Variants in PLEKHG4B observed in about 807,000 individuals in gnomAD.
PLEKHG4B encodes pleckstrin homology domain-containing family G member 4B.
Under a neutral mutation model 121.3 loss-of-function variants are expected in PLEKHG4B, and 111 were observed. The observed-to-expected ratio is 0.92, with a 90% CI of 0.78 to 1.07. PLEKHG4B has a LOEUF of 1.07. Among genes scored for constraint, PLEKHG4B ranks in the 50% least tolerant of loss-of-function variants. The probability of loss-of-function intolerance (pLI) is 0.00; values close to 1 mark genes in which losing one functional copy is unlikely to be tolerated. For missense variants in PLEKHG4B, 1,831 were observed against 1,757.8 expected (o/e 1.04, Z -0.74); for synonymous variants, 738 against 725.0 (o/e 1.02, Z -0.29).
At chr5:160,839 C>T (rs868152078) in intron 11 of PLEKHG4B, among the ~76,000 whole-genome samples, 64 of 151,790 alleles carry the variant, frequency 4.2e-4, no homozygotes, top group African/African-American at 1.4e-3. Context: ...TCTGCTCTGC[C>T]GAAGCCGCAC....
chr5:97,154 A>G (rs926941589), intron 1 of PLEKHG4B, among the ~76,000 whole-genome samples: 4 of 151,174 alleles, frequency 2.6e-5, no homozygotes, highest in Admixed American at 2.0e-4. Context: ...CCTCATTCCA[A>G]AGTCAAAACC....
chr5:125,989 C>T (rs1734601327), intron 2 of PLEKHG4B, among the ~76,000 whole-genome samples: 1 of 152,212 alleles, frequency 6.6e-6, no homozygotes, highest in Non-Finnish European at 1.5e-5. Flanking sequence ...AAGGTTGTTG[C>T]ATGTGATGAG....
Position 157,504 on chromosome 5 carries a change from G to A in PLEKHG4B, c.2487+593G>A, listed in dbSNP as rs1452921188. 1.3e-5 allele frequency among the ~76,000 whole-genome samples: 2 copies of A among 152,184 alleles called. No individual in the cohort carries two copies. The highest frequency in any genetic ancestry group is 2.9e-5 in the Non-Finnish European group (2 of 68,030). On this transcript the variant is annotated intron_variant, in intron 11 of 19. Coordinates refer to ENST00000637938, the MANE Select transcript of PLEKHG4B (RefSeq NM_052909.5). The surrounding 1 kb of genome is among the most constrained non-coding windows in gnomAD (Gnocchi z 4.6). ...TGCTGGACTACAGGGTGTGAGTTGTGCACAGTGTGTGGCGTGGCTGGGGTT... is the reference window on the plus strand; with the variant it reads ...TGCTGGACTACAGGGTGTGAGTTGTACACAGTGTGTGGCGTGGCTGGGGTT...
chr5:132,618 C>T (rs909643703), intron 2 of PLEKHG4B, among the ~76,000 whole-genome samples: 9 of 152,114 alleles, frequency 5.9e-5, no homozygotes, highest in African/African-American at 2.2e-4. Context: ...TGTGGCTAGC[C>T]GATTATCCCA....
chr5:139,533 C>T lies in PLEKHG4B; in HGVS notation c.294C>T (p.Ala98=), dbSNP rs1735085463. Residue 98 remains alanine (A), a synonymous_variant, in exon 3 of 20, where the codon GCC becomes GCT. Transcript: ENST00000637938. This position sits in a 1 kb window ranked among gnomAD's most constrained non-coding sequence, Gnocchi z 5.0. ...VFLHPGWPLC[A]HEKVVVQLAS... The stretch of plus-strand genomic sequence containing the variant: ...TGCACCCAGGCTGGCCGCTGTGCGC[C>T]CATGAGAAGGTGGTGGTGCAGCTGG... 1 of 398,858 alleles carries T rather than the reference C, an allele frequency of 2.5e-6. No individual in the cohort carries two copies. Among genetic ancestry groups the T allele is most frequent in the Admixed American group, 4.4e-5 (1 of 22,724 alleles). 24.7% of individuals were successfully genotyped at this position (398,858 alleles called of 1,614,324 possible).
intron 3 of PLEKHG4B, among the ~76,000 whole-genome samples, chr5:142,845 C>T (rs1251006440): frequency 2.6e-5 from 4 of 152,072 alleles, no homozygotes; most frequent in Admixed American, 1.3e-4. Flanking sequence ...TCCGTGATGA[C>T]GCCGCGTGTC....
intron 5 of PLEKHG4B, 23 bp downstream of exon 5, chr5:143,526 A>G: frequency 6.2e-7 from 1 of 1,608,528 alleles, no homozygotes; most frequent in Middle Eastern, 1.7e-4. Flanking sequence ...GCAAGGCCGC[A>G]CCCTGCAGAC....
chr5:179,051 T>C (rs1278862161), intron 18 of PLEKHG4B, among the ~76,000 whole-genome samples: 1 of 152,252 alleles, frequency 6.6e-6, no homozygotes, highest in Admixed American at 6.5e-5. Flanking sequence ...AACCCACTGA[T>C]ACAGAAGGCC....
Position 159,654 on chromosome 5 carries a change from C to A in PLEKHG4B, c.2488-2129C>A, listed in dbSNP as rs902054461. Among the ~76,000 whole-genome samples, 1 of 152,132 alleles carries A rather than the reference C, an allele frequency of 6.6e-6. No homozygotes were observed. Among genetic ancestry groups the A allele is most frequent in the Non-Finnish European group, 1.5e-5 (1 of 68,024 alleles). ...GTTCTGGCGCCAGAGGCTTTCCTGG[C>A]GACCCCTGGCTAGGAAGCCTGTGGC... On this transcript the variant is annotated intron_variant, in intron 11 of 19. Transcript: ENST00000637938. This position sits in a 1 kb window ranked among gnomAD's most constrained non-coding sequence, Gnocchi z 5.5.
chr5:162,557 C>T (rs968018171), intron 12 of PLEKHG4B, among the ~76,000 whole-genome samples, 165 bp from the exon 13 acceptor site: 17 of 152,246 alleles, frequency 1.1e-4, no homozygotes, highest in South Asian at 2.1e-4. Flanking sequence ...CCTGCCCTTC[C>T]GCTGAACCCG....
rs1735114677 is a variant in PLEKHG4B, at chr5:140,227, C to T, written c.988C>T (p.Leu330=). 3 of 1,403,698 alleles carry T rather than the reference C, an allele frequency of 2.1e-6. No individual in the cohort carries two copies. Among genetic ancestry groups the T allele is most frequent in the Non-Finnish European group, 2.8e-6 (3 of 1,056,996 alleles). 87.0% of individuals were successfully genotyped at this position (1,403,698 alleles called of 1,614,324 possible). A position where few individuals can be genotyped will look rare whatever the true frequency, so the allele number is the denominator to read the frequency against. ...RPKALTFHTD[L]GIPSSRRRPP... is the part of the protein sequence containing the mutation. ...CAAGGCCCTCACCTTCCACACAGAC[C>T]TGGGCATCCCGAGCAGCAGGAGGCG... Residue 330 remains leucine (L), a synonymous_variant, in exon 3 of 20, where the codon CTG becomes TTG. Coordinates refer to ENST00000637938, the MANE Select transcript of PLEKHG4B (RefSeq NM_052909.5).
intron 2 of PLEKHG4B, among the ~76,000 whole-genome samples, chr5:135,671 A>AGCAAGACTCCATCTC (rs1734940104): frequency 2.2e-5 from 1 of 45,704 alleles, no homozygotes; most frequent in Non-Finnish European, 4.1e-5. Flanking sequence ...ATCTCAAAAA[A>AGCAAGACTCCATCTC]AAAAAAAAAA....
At chr5:174,150 G>T (rs1736673777) in intron 18 of PLEKHG4B, 52 bp downstream of exon 18, 3 of 1,124,212 alleles carry the variant, frequency 2.7e-6, no homozygotes, top group East Asian at 2.8e-5. Flanking sequence ...ACAGCTAGGG[G>T]CAGGGGTCGG....
intron 18 of PLEKHG4B, among the ~76,000 whole-genome samples, chr5:181,258 C>T (rs1736923996): frequency 6.6e-6 from 1 of 152,182 alleles, no homozygotes; most frequent in Admixed American, 6.5e-5. Flanking sequence ...CCAGGTTGGA[C>T]ACGCCGTTTC....
chr5:94,706 G>C (rs763937421), intron 1 of PLEKHG4B, among the ~76,000 whole-genome samples: 4 of 151,980 alleles, frequency 2.6e-5, no homozygotes, highest in Non-Finnish European at 5.9e-5. Context: ...TTACCTTATG[G>C]GGGGCTCTCG....
chr5:152,241 A>G (rs1017655709), intron 7 of PLEKHG4B, among the ~76,000 whole-genome samples: 1 of 145,830 alleles, frequency 6.9e-6, no homozygotes, highest in Non-Finnish European at 1.5e-5. Flanking sequence ...GACAGCATCT[A>G]GCTCTGTCAC....
At chr5:128,568 A>G (rs1734687992) in intron 2 of PLEKHG4B, among the ~76,000 whole-genome samples, 1 of 152,216 alleles carries the variant, frequency 6.6e-6, no homozygotes, top group African/African-American at 2.4e-5. Flanking sequence ...ACACAGGCAC[A>G]GCTGCCTGCG....
Position 162,740 on chromosome 5 carries a change from C to A in PLEKHG4B, c.2668C>A (p.Pro890Thr), listed in dbSNP as rs777959079. Residue 890 changes from proline (P) to threonine (T), a missense_variant, in exon 13 of 20, where the codon CCC (proline) becomes ACC (threonine). Pro to Thr is a conservative substitution (Grantham distance 38). Transcript: ENST00000637938. ...LCETVSSWMG[P>T]LDPEACPSSP... ...CCCACAGGTGAGCAGCTGGATGGGGCCCCTGGACCCGGAGGCTTGTCCCTC... is the reference window on the plus strand; with the variant it reads ...CCCACAGGTGAGCAGCTGGATGGGGACCCTGGACCCGGAGGCTTGTCCCTC... The A allele has an allele frequency of 4.8e-6, 7 of 1,457,298 alleles. No individual in the cohort carries two copies. Among genetic ancestry groups the A allele is most frequent in the South Asian group, 2.9e-5 (2 of 67,876 alleles). The allele number at this position is 1,457,298 out of a possible 1,614,324, so 90.3% of individuals were successfully genotyped here. A position where few individuals can be genotyped will look rare whatever the true frequency, so the allele number is the denominator to read the frequency against.
rs66818203 is a variant in PLEKHG4B at position 169,789 on chromosome 5, G to A, written c.3729+197G>A. Among the ~76,000 whole-genome samples, 1,088 of 152,348 alleles carry A rather than the reference G, an allele frequency of 7.1e-3. 6 individuals carry two copies. Among genetic ancestry groups the A allele is most frequent in the Non-Finnish European group, 0.012 (848 of 68,036 alleles). ...GATAACCTGTGGGTCTCCAGTGCTC[G>A]GTGCTTTGCGCGTGGTGTGACCGAC... On this transcript the variant is annotated intron_variant, in intron 14 of 19. Coordinates refer to ENST00000637938, the MANE Select transcript of PLEKHG4B (RefSeq NM_052909.5).
Sources: gnomAD v4.1 joint callset for allele counts (sites outside exome capture counted in the v4.1 genomes callset) on GRCh38, gnomAD v4.1.1 for gene constraint, Gnocchi (gnomAD v3.1) non-coding constraint, MANE v1.5 for transcripts, NCBI Gene and HGNC (gene_info 2026-07-23, HGNC 2026-07-21) for gene names.